Variants in DPYD observed in about 807,000 individuals in gnomAD.
DPYD encodes dihydropyrimidine dehydrogenase, also known as dihydropyrimidine dehydrogenase [NADP(+)].
A neutral mutation model predicts 116.2 loss-of-function variants in DPYD; 109 were observed. The observed-to-expected ratio is 0.94, with a 90% CI of 0.80 to 1.10. The LOEUF (loss-of-function observed/expected upper bound fraction) is 1.10, where lower values mean the gene tolerates loss of function less well. Ranked by LOEUF, DPYD falls within the 50% of genes least tolerant of loss-of-function variation. The probability of loss-of-function intolerance (pLI) is 0.00; values close to 1 mark genes in which losing one functional copy is unlikely to be tolerated. For missense variants in DPYD, 1,302 were observed against 1,254.5 expected (o/e 1.04, Z -0.57); for synonymous variants, 440 against 432.0 (o/e 1.02, Z -0.23).
intron 3 of DPYD, among the ~76,000 whole-genome samples, chr1:97,773,216 T>TGG (rs1425655880): frequency 6.6e-6 from 1 of 152,188 alleles, no homozygotes; most frequent in Non-Finnish European, 1.5e-5. Flanking sequence ...ATCAAATGAC[T>TGG]GCACAAATGA....
At chr1:97,746,910 T>A (rs1429089851) in intron 3 of DPYD, among the ~76,000 whole-genome samples, 2 of 151,842 alleles carry the variant, frequency 1.3e-5, no homozygotes, top group Non-Finnish European at 2.9e-5. Context: ...TTTTTGTTTT[T>A]TGGATTTTTT....
chr1:97,856,103 G>C (rs1158535152), intron 2 of DPYD: 3 of 152,128 alleles, frequency 2.0e-5, no homozygotes, highest in Non-Finnish European at 4.4e-5. Context: ...CAAAAAACAT[G>C]AATGCTCACT....
chr1:97,373,493 G>C, intron 16 of DPYD, 68 bp downstream of exon 16: 2 of 1,362,066 alleles, frequency 1.5e-6, no homozygotes, highest in Non-Finnish European at 2.1e-6. Context: ...CTAAGGTATA[G>C]TAACTATCCA....
intron 13 of DPYD, among the ~76,000 whole-genome samples, chr1:97,492,995 T>A (rs921352964): frequency 6.6e-6 from 1 of 152,198 alleles, no homozygotes; most frequent in Non-Finnish European, 1.5e-5. Context: ...GCCGAAGAGA[T>A]GCATGAATGA....
chr1:97,888,601 T>C (rs1571535189), intron 1 of DPYD, among the ~76,000 whole-genome samples: 1 of 151,056 alleles, frequency 6.6e-6, no homozygotes, highest in African/African-American at 2.4e-5. Context: ...TGAAAGTCAA[T>C]AGCAAAAAGA....
intron 13 of DPYD, among the ~76,000 whole-genome samples, chr1:97,494,456 G>A (rs1679145660): frequency 6.6e-6 from 1 of 152,156 alleles, no homozygotes; most frequent in South Asian, 2.1e-4. Flanking sequence ...GTGTGTTAGT[G>A]GCAGATTTGC....
At chr1:97,341,600 T>C (rs1053551831) in intron 16 of DPYD, among the ~76,000 whole-genome samples, 1 of 152,158 alleles carries the variant, frequency 6.6e-6, no homozygotes, top group African/African-American at 2.4e-5. Context: ...CATTAAAAAC[T>C]TTTTAGTTTT....
intron 13 of DPYD, among the ~76,000 whole-genome samples, chr1:97,490,947 T>C (rs898441620): frequency 4.0e-5 from 6 of 151,182 alleles, no homozygotes; most frequent in Non-Finnish European, 8.9e-5. Flanking sequence ...TTTTTCTTAG[T>C]ATTTAAAAGA....
chr1:97,664,385 A>G (rs948785143), intron 8 of DPYD, among the ~76,000 whole-genome samples: 2 of 151,876 alleles, frequency 1.3e-5, no homozygotes, highest in Non-Finnish European at 1.5e-5. Context: ...AAACATATAT[A>G]TGTGTGTGTG....
intron 20 of DPYD, among the ~76,000 whole-genome samples, chr1:97,119,716 T>C (rs939867307): frequency 2.7e-5 from 4 of 149,546 alleles, no homozygotes; most frequent in African/African-American, 7.7e-5. Context: ...AAATCACTCT[T>C]GTCACTTCTA....
chr1:97,714,518 C>A (rs975419468), intron 5 of DPYD, among the ~76,000 whole-genome samples: 3 of 151,696 alleles, frequency 2.0e-5, no homozygotes, highest in African/African-American at 7.3e-5. Flanking sequence ...CCATATAGAC[C>A]CCTTCTAAGG....
intron 5 of DPYD, among the ~76,000 whole-genome samples, chr1:97,717,809 T>C (rs1164633365): frequency 6.6e-6 from 1 of 151,896 alleles, no homozygotes; most frequent in Non-Finnish European, 1.5e-5. Flanking sequence ...TATTCCATGG[T>C]GTGTGTGTGC....
At chr1:97,853,299 A>G (rs963905505) in intron 2 of DPYD, among the ~76,000 whole-genome samples, 1 of 152,232 alleles carries the variant, frequency 6.6e-6, no homozygotes, top group Non-Finnish European at 1.5e-5. Flanking sequence ...TCCTTCAGAA[A>G]CTTCTATGCT....
chr1:97,082,513 C>T, intron 21 of DPYD, 43 bp from the exon 22 acceptor site: 3 of 1,607,332 alleles, frequency 1.9e-6, no homozygotes, highest in Admixed American at 1.7e-5. Context: ...CATTTTAAAA[C>T]ATTTTCATGT....
rs1313420106 is a variant in DPYD at position 97,475,107 on chromosome 1, C to G, written c.1741-24884G>C. Among the ~76,000 whole-genome samples, 4 of 152,194 alleles carry G rather than the reference C, an allele frequency of 2.6e-5. No homozygotes were observed. The East Asian group carries it at 5.8e-4, about 22-fold the overall frequency. ...AAACTGTAAGACCAATGGAGCAAAA[C>G]AGCAGGGCAATGATTGCGGCATCAT... is the stretch of plus-strand genomic sequence containing the variant. On this transcript the variant is annotated intron_variant, in intron 13 of 22. Transcript: ENST00000370192.
At chr1:97,529,302 T>C (rs1428848319) in intron 12 of DPYD, among the ~76,000 whole-genome samples, 1 of 152,196 alleles carries the variant, frequency 6.6e-6, no homozygotes, top group Non-Finnish European at 1.5e-5. Flanking sequence ...GTGCATTCTA[T>C]ACGGCAGGCA....
At chr1:97,843,725 T>G (rs1480382939) in intron 2 of DPYD, among the ~76,000 whole-genome samples, 2 of 152,198 alleles carry the variant, frequency 1.3e-5, no homozygotes, top group Non-Finnish European at 2.9e-5. Flanking sequence ...TGTACAGCAT[T>G]TGTATGAATT....
chr1:97,081,437 C>G (rs943226254), intron 22 of DPYD, among the ~76,000 whole-genome samples: 2 of 151,940 alleles, frequency 1.3e-5, no homozygotes, highest in Admixed American at 1.3e-4. Flanking sequence ...TTAAGAAATT[C>G]TTTAACTTTC....
intron 3 of DPYD, among the ~76,000 whole-genome samples, chr1:97,795,782 GAAAATTT>G (rs1667542843): frequency 6.6e-6 from 1 of 151,752 alleles, no homozygotes; most frequent in African/African-American, 2.4e-5. Context: ...TCATTCTCTG[GAAAATTT>G]CATTATTAAA....
Sources: allele counts gnomAD v4.1 joint callset (sites outside exome capture counted in the v4.1 genomes callset), GRCh38; gene constraint gnomAD v4.1.1; transcripts MANE v1.5; gene names NCBI Gene and HGNC (gene_info 2026-07-23, HGNC 2026-07-21).